The following ARHGEF4 variants were observed in gnomAD, a reference collection of about 807,000 sequenced individuals.
ARHGEF4 encodes Rho guanine nucleotide exchange factor 4.
Under a neutral mutation model 162.0 loss-of-function variants are expected in ARHGEF4, and 119 were observed. The ratio of observed to expected loss-of-function variants is 0.73; its 90% CI spans 0.63 to 0.86. The LOEUF is 0.86. Among genes scored for constraint, ARHGEF4 ranks in the 40% least tolerant of loss-of-function variants. ARHGEF4 has a pLI of 0.00. For missense variants in ARHGEF4, 2,488 were observed against 2,456.0 expected (o/e 1.01, Z -0.28); for synonymous variants, 1,014 against 979.9 (o/e 1.03, Z -0.65).
chr2:130,977,512 ATGT>A (rs988224707), intron 4 of ARHGEF4, among the ~76,000 whole-genome samples: 1 of 150,674 alleles, frequency 6.6e-6, no homozygotes, highest in African/African-American at 2.4e-5. Context: ...ATGTGTATGT[ATGT>A]TGTGCATGTG....
chr2:130,949,584 G>C (rs1038649211), intron 4 of ARHGEF4, among the ~76,000 whole-genome samples: 4 of 151,994 alleles, frequency 2.6e-5, no homozygotes, highest in African/African-American at 9.7e-5. Context: ...TCGATCTCCT[G>C]ACCTCGTGAT....
Position 130,914,594 on chromosome 2 carries a change from C to T in ARHGEF4, c.648C>T (p.Ser216=). The T allele has an allele frequency of 7.2e-7, 1 of 1,393,098 alleles. No homozygotes were observed. Among genetic ancestry groups the T allele is most frequent in the Non-Finnish European group, 9.3e-7 (1 of 1,080,366 alleles). The allele number at this position is 1,393,098 out of a possible 1,614,324, so 86.3% of individuals were successfully genotyped here. Reference sequence around the variant, plus strand: ...TCTCCAGTGTTTCTCTTCAGAAATCCAGGTCTGAGAGCTATCTGGGCATCC... The same window carrying T: ...TCTCCAGTGTTTCTCTTCAGAAATCTAGGTCTGAGAGCTATCTGGGCATCC... ...RGLSSVSLQK[S]RSESYLGIPV... is the part of the protein sequence containing the mutation. Residue 216 remains serine (S), a synonymous_variant, in exon 2 of 14, where the codon TCC becomes TCT. Coordinates refer to ENST00000409359, the MANE Select transcript of ARHGEF4 (RefSeq NM_001367493.1).
intron 4 of ARHGEF4, among the ~76,000 whole-genome samples, chr2:130,993,509 T>C (rs972300935): frequency 8.5e-5 from 13 of 152,176 alleles, no homozygotes; most frequent in Admixed American, 2.0e-4. Flanking sequence ...GTCTGCTTGT[T>C]TTATCAGTTG....
rs143135755 is a variant in ARHGEF4, at chr2:130,919,650, C to T, written c.3552+2152C>T. ...CAGCACTTTGGGAGGCCGAAGCGGGCGGATCACCTGAGGTCAGAAGTTCGA... is the reference window on the plus strand; with the variant it reads ...CAGCACTTTGGGAGGCCGAAGCGGGTGGATCACCTGAGGTCAGAAGTTCGA... On this transcript the variant is annotated intron_variant, in intron 2 of 13. Transcript: ENST00000409359. Among the ~76,000 whole-genome samples the T allele has an allele frequency of 6.0e-3, 916 of 152,108 alleles. 7 individuals carry two copies. Among genetic ancestry groups the T allele is most frequent in the African/African-American group, 0.021 (881 of 41,494 alleles).
At chr2:130,959,458 G>A (rs553664222) in intron 4 of ARHGEF4, among the ~76,000 whole-genome samples, 46 of 152,252 alleles carry the variant, frequency 3.0e-4, no homozygotes, top group Non-Finnish European at 4.4e-4. Flanking sequence ...ACTTCTGAGC[G>A]TATAATCTTG....
rs944342006 is a variant in ARHGEF4 at position 130,914,295 on chromosome 2, C to A, written c.349C>A (p.Gln117Lys). ...CTCAGCAACTGGACCCCCTCAGGAGCAGCATTTGACCAGTGTTCCTGGGCT... is the reference window on the plus strand; with the variant it reads ...CTCAGCAACTGGACCCCCTCAGGAGAAGCATTTGACCAGTGTTCCTGGGCT... The part of the protein sequence containing the change: ...DVSATGPPQE[Q>K]HLTSVPGLHA... Residue 117 changes from glutamine (Q) to lysine (K), a missense_variant, in exon 2 of 14, where the codon CAG (glutamine) becomes AAG (lysine). Physicochemically the swap from Gln to Lys is moderately conservative, Grantham distance 53. This residue lies in a region of ARHGEF4 where 171 missense variants were observed against 169.4 expected (regional missense o/e 1.01). Transcript: ENST00000409359. 53 of 1,516,444 alleles carry A rather than the reference C, an allele frequency of 3.5e-5. No homozygotes were observed. The highest frequency in any genetic ancestry group is 4.1e-5 in the Non-Finnish European group (47 of 1,135,772). 93.9% of individuals were successfully genotyped at this position (1,516,444 alleles called of 1,614,324 possible).
chr2:130,879,581 A>G (rs1416644402), intron 1 of ARHGEF4, among the ~76,000 whole-genome samples: 1 of 152,036 alleles, frequency 6.6e-6, no homozygotes, highest in Non-Finnish European at 1.5e-5. Context: ...TTTGACCAAC[A>G]CTTTCCCAAT....
Position 130,917,193 on chromosome 2 carries a change from C to T in ARHGEF4, c.3247C>T (p.Pro1083Ser), listed in dbSNP as rs564904749. 2.6e-6 allele frequency: 4 copies of T among 1,550,488 alleles called. No homozygotes were observed. The highest frequency in any genetic ancestry group is 1.4e-5 in the African/African-American group (1 of 73,148). Residue 1083 changes from proline to serine, a missense_variant, in exon 2 of 14, where the codon CCC becomes TCC. By Grantham distance (74) the Pro-to-Ser change is moderately conservative (BLOSUM62 -1). Around this residue, in one of 6 missense-constraint regions of ARHGEF4, gnomAD observed 1,642 missense variants for 1,481.5 expected, o/e 1.11. Coordinates refer to ENST00000409359, the MANE Select transcript of ARHGEF4 (RefSeq NM_001367493.1). ...TGCCTGCTGCCTGGCATATGAAAAC[C>T]CCGGGACGCCCTGCAGACCCACGAG... ...SSACCLAYENPGTPCRPTSPK... is the reference protein window; with the variant it reads ...SSACCLAYENSGTPCRPTSPK...
intron 4 of ARHGEF4, among the ~76,000 whole-genome samples, chr2:130,957,488 G>T (rs1684358781): frequency 1.3e-5 from 2 of 152,132 alleles, no homozygotes; most frequent in South Asian, 2.1e-4. Flanking sequence ...CTATAAATAG[G>T]CATGAAGGAA....
At chr2:130,909,672 A>G (rs1375909764) in intron 1 of ARHGEF4, among the ~76,000 whole-genome samples, 2 of 152,122 alleles carry the variant, frequency 1.3e-5, no homozygotes, top group South Asian at 2.1e-4. Flanking sequence ...AAAAAAGTAA[A>G]TAGCAGTAAT....
chr2:131,039,526 T>C, intron 6 of ARHGEF4: 1 of 1,031,668 alleles, frequency 9.7e-7, no homozygotes, highest in Non-Finnish European at 1.2e-6. Context: ...AAGGCCTGGC[T>C]CAGGGCGTCC....
intron 1 of ARHGEF4, among the ~76,000 whole-genome samples, chr2:130,900,577 TC>T (rs1304977544): frequency 6.6e-6 from 1 of 152,248 alleles, no homozygotes; most frequent in Non-Finnish European, 1.5e-5. Context: ...TGAAGCTTTA[TC>T]TTTTTTCATT....
chr2:130,880,543 G>A (rs765206683), intron 1 of ARHGEF4, among the ~76,000 whole-genome samples: 12 of 152,058 alleles, frequency 7.9e-5, no homozygotes, highest in Non-Finnish European at 1.5e-4. Flanking sequence ...GTAGGTTTTC[G>A]TTTTTGTTTG....
chr2:130,867,724 C>T (rs1271390702), intron 1 of ARHGEF4, among the ~76,000 whole-genome samples: 1 of 152,050 alleles, frequency 6.6e-6, no homozygotes, highest in Non-Finnish European at 1.5e-5. Context: ...GCTTTCTCAT[C>T]TGTGCCCTCA....
intron 1 of ARHGEF4, among the ~76,000 whole-genome samples, chr2:130,846,269 G>A (rs1680957802): frequency 6.6e-6 from 1 of 152,190 alleles, no homozygotes; most frequent in African/African-American, 2.4e-5. Context: ...TGCCGCCAGG[G>A]CCTAGGGCCT....
intron 1 of ARHGEF4, among the ~76,000 whole-genome samples, chr2:130,869,600 C>T (rs914207720): frequency 3.9e-5 from 6 of 152,088 alleles, no homozygotes; most frequent in South Asian, 2.1e-4. Flanking sequence ...GTCTAGAATT[C>T]GAAGGAGTGT....
chr2:130,981,766 A>G (rs1281038912), intron 4 of ARHGEF4, among the ~76,000 whole-genome samples: 1 of 152,176 alleles, frequency 6.6e-6, no homozygotes, highest in East Asian at 1.9e-4. Flanking sequence ...CAGAGTCAAG[A>G]AAACCCCACA....
At chr2:130,912,564 T>C (rs1298597750) in intron 1 of ARHGEF4, among the ~76,000 whole-genome samples, 1 of 152,224 alleles carries the variant, frequency 6.6e-6, no homozygotes, top group Non-Finnish European at 1.5e-5. Flanking sequence ...AAAGCTCTTA[T>C]GACAAGTCCT....
chr2:130,930,980 G>A lies in ARHGEF4; in HGVS notation c.3581G>A (p.Gly1194Asp). The A allele has an allele frequency of 6.2e-7, 1 of 1,610,398 alleles. No individual in the cohort carries two copies. Among genetic ancestry groups the A allele is most frequent in the Non-Finnish European group, 8.5e-7 (1 of 1,177,018 alleles). ...CACATGCCCTGGGAAGAACCAGCAG[G>A]TGAGAAGCCCAGTTGCTCTCACAGT... ...ENHMPWEEPA[G>D]EKPSCSHSQK... Residue 1194 changes from glycine (G) to aspartate (D), a missense_variant, in exon 3 of 14, where the codon GGT (glycine) becomes GAT (aspartate). Gly to Asp is a moderately conservative substitution (Grantham distance 94, BLOSUM62 -1). Around this residue, in one of 6 missense-constraint regions of ARHGEF4, gnomAD observed 1,642 missense variants for 1,481.5 expected, o/e 1.11. Coordinates refer to ENST00000409359, the MANE Select transcript of ARHGEF4 (RefSeq NM_001367493.1).
Sources: gnomAD v4.1 joint callset for allele counts (sites outside exome capture counted in the v4.1 genomes callset) on GRCh38, gnomAD v4.1.1 for gene constraint, gnomAD v4.1.1 regional missense constraint, MANE v1.5 for transcripts, NCBI Gene and HGNC (gene_info 2026-07-23, HGNC 2026-07-21) for gene names.